Variants in COL21A1 observed in about 807,000 individuals in gnomAD.
COL21A1 encodes collagen alpha-1(XXI) chain.
A neutral mutation model predicts 137.9 loss-of-function variants in COL21A1; 149 were observed. The ratio of observed to expected loss-of-function variants is 1.08; its 90% CI spans 0.95 to 1.24. COL21A1 has a LOEUF of 1.24. COL21A1 is among the 50% of genes most tolerant of loss of function. The pLI is 0.00. For missense variants in COL21A1, 1,167 were observed against 1,158.4 expected, an observed-to-expected ratio of 1.01 and a Z score of -0.11; for synonymous variants, 456 against 391.5, an observed-to-expected ratio of 1.16 and a Z score of -1.95.
At chr6:56,191,448 C>T (rs1015865818) in intron 1 of COL21A1, among the ~76,000 whole-genome samples, 1 of 147,080 alleles carries the variant, frequency 6.8e-6, no homozygotes, top group Admixed American at 6.7e-5. Context: ...AAAAAAAAGT[C>T]GGGTGTGGTG....
chr6:56,345,566 A>T (rs143102209), intron 1 of COL21A1, among the ~76,000 whole-genome samples: 184 of 152,314 alleles, frequency 1.2e-3, no homozygotes, highest in African/African-American at 4.0e-3. Context: ...CCACTACATG[A>T]CAATGAAATG....
chr6:56,305,405 A>C (rs1433201430), intron 1 of COL21A1, among the ~76,000 whole-genome samples: 1 of 152,052 alleles, frequency 6.6e-6, no homozygotes, highest in Non-Finnish European at 1.5e-5. Context: ...TGCTTTATGA[A>C]TCTGGGGGCT....
intron 12 of COL21A1, among the ~76,000 whole-genome samples, chr6:56,135,342 C>A (rs987958344): frequency 1.3e-5 from 2 of 151,972 alleles, no homozygotes; most frequent in African/African-American, 4.8e-5. Flanking sequence ...AGAAGTAACA[C>A]AATGCCCCCA....
intron 1 of COL21A1, among the ~76,000 whole-genome samples, chr6:56,266,121 A>C (rs1035110363): frequency 5.9e-5 from 9 of 152,226 alleles, no homozygotes; most frequent in African/African-American, 2.2e-4. Context: ...CTTACAGCTT[A>C]ATTAATGCTG....
intron 1 of COL21A1, among the ~76,000 whole-genome samples, chr6:56,353,219 G>A (rs937398847): frequency 6.6e-6 from 1 of 152,138 alleles, no homozygotes; most frequent in Non-Finnish European, 1.5e-5. Context: ...AGAAAGTGAT[G>A]TTGCATGATT....
At chr6:56,289,992 G>A (rs114997161) in intron 1 of COL21A1, among the ~76,000 whole-genome samples, 4,150 of 152,154 alleles carry the variant, frequency 0.027, 178 homozygotes, top group African/African-American at 0.094. Flanking sequence ...CACCGCCACT[G>A]AATATGAGGC....
At chr6:56,242,938 A>AT (rs1333839876) in intron 1 of COL21A1, among the ~76,000 whole-genome samples, 1 of 152,112 alleles carries the variant, frequency 6.6e-6, no homozygotes, top group Non-Finnish European at 1.5e-5. Flanking sequence ...ACATTATCTG[A>AT]TTTTTTGGAA....
intron 6 of COL21A1, among the ~76,000 whole-genome samples, chr6:56,167,604 TC>T (rs1281938786): frequency 1.3e-5 from 2 of 152,186 alleles, no homozygotes; most frequent in Non-Finnish European, 2.9e-5. Context: ...GACACATTTC[TC>T]CATCCAAATA....
At chr6:56,182,983 A>T (rs1163199711) in intron 1 of COL21A1, among the ~76,000 whole-genome samples, 1 of 152,176 alleles carries the variant, frequency 6.6e-6, no homozygotes, top group Non-Finnish European at 1.5e-5. Context: ...TCTTTTTACT[A>T]TCTGAATATT....
chr6:56,287,333 A>G (rs1437244258), intron 1 of COL21A1, among the ~76,000 whole-genome samples: 30 of 152,214 alleles, frequency 2.0e-4, no homozygotes, highest in Admixed American at 1.9e-3. Context: ...TAGGTTACAC[A>G]GCAAACAGGA....
At chr6:56,316,563 C>T (rs947711932) in intron 1 of COL21A1, among the ~76,000 whole-genome samples, 21 of 137,980 alleles carry the variant, frequency 1.5e-4, no homozygotes, top group African/African-American at 5.6e-4. Context: ...CTCACTGCAA[C>T]CTCTGTCTCT....
At chr6:56,314,658 C>T (rs35691618) in intron 1 of COL21A1, among the ~76,000 whole-genome samples, 8 of 152,088 alleles carry the variant, frequency 5.3e-5, no homozygotes, top group Non-Finnish European at 8.8e-5. Context: ...ACACGAAAAG[C>T]TTCTAAAGTT....
intron 1 of COL21A1, among the ~76,000 whole-genome samples, chr6:56,378,070 A>G (rs1281927751): frequency 2.6e-5 from 4 of 152,116 alleles, no homozygotes; most frequent in Non-Finnish European, 5.9e-5. Context: ...CAGCAGCGAT[A>G]CCCAGGTACT....
At position 56,057,860 on chromosome 6, in the gene COL21A1, G is replaced by A. The variant is rs1765466189; in HGVS notation, c.2687-16C>T. 1 of 1,510,640 alleles carries A rather than the reference G, an allele frequency of 6.6e-7. No individual in the cohort carries two copies. Among genetic ancestry groups the A allele is most frequent in the East Asian group, 2.4e-5 (1 of 40,818 alleles). 93.6% of individuals were successfully genotyped at this position (1,510,640 alleles called of 1,614,324 possible). A position where few individuals can be genotyped will look rare whatever the true frequency, so the allele number is the denominator to read the frequency against. ...CCCTCTGGACCTAAGATGGGACATTGGCAAGACGTAAACAGAGGACTTTAG... is the reference window on the plus strand; with the variant it reads ...CCCTCTGGACCTAAGATGGGACATTAGCAAGACGTAAACAGAGGACTTTAG... On this transcript the variant is annotated splice_polypyrimidine_tract_variant and intron_variant, in intron 29 of 29. Transcript: ENST00000244728.
At chr6:56,194,956 G>C (rs959046219) in intron 1 of COL21A1, among the ~76,000 whole-genome samples, 3 of 152,122 alleles carry the variant, frequency 2.0e-5, no homozygotes, top group African/African-American at 7.2e-5. Context: ...TCACAGATTA[G>C]TGGATTAATA....
intron 1 of COL21A1, among the ~76,000 whole-genome samples, chr6:56,301,861 C>A (rs200122785): frequency 4.2e-4 from 49 of 117,246 alleles, no homozygotes; most frequent in African/African-American, 1.4e-3. Flanking sequence ...TTCTCCCCCC[C>A]CCAATCCCAC....
chr6:56,300,863 C>A (rs1033531720), intron 1 of COL21A1, among the ~76,000 whole-genome samples: 3 of 152,084 alleles, frequency 2.0e-5, no homozygotes, highest in Non-Finnish European at 4.4e-5. Flanking sequence ...ATTTCCTACA[C>A]CAGGACCCAC....
chr6:56,098,616 A>AATATATAAAT (rs1770034009), intron 17 of COL21A1, among the ~76,000 whole-genome samples: 3 of 6,750 alleles, frequency 4.4e-4, no homozygotes, highest in Non-Finnish European at 7.2e-4. Flanking sequence ...AATATATATA[A>AATATATAAAT]ATATATATAA....
At chr6:56,074,129 C>T in intron 20 of COL21A1, 103 bp downstream of exon 20, 1 of 726,176 alleles carries the variant, frequency 1.4e-6, no homozygotes, top group Non-Finnish European at 2.2e-6. Flanking sequence ...ATAAAAACCA[C>T]ATTTAAAATA....
Sources: gnomAD v4.1 joint callset for allele counts (sites outside exome capture counted in the v4.1 genomes callset) on GRCh38, gnomAD v4.1.1 for gene constraint, MANE v1.5 for transcripts, NCBI Gene and HGNC (gene_info 2026-07-23, HGNC 2026-07-21) for gene names.